The following LARP7 variants were observed in gnomAD, a reference collection of about 807,000 sequenced individuals.
LARP7 encodes the protein la-related protein 7.
In LARP7, 52 loss-of-function variants were observed where a neutral mutation model predicts 69.3. The ratio of observed to expected loss-of-function variants is 0.75; its 90% CI spans 0.60 to 0.95. The LOEUF is 0.95. Ranked by LOEUF, LARP7 falls within the 40% of genes least tolerant of loss-of-function variation. The pLI is 0.00. For synonymous variants in LARP7, 254 were observed against 215.9 expected (o/e 1.18, Z -1.55); for missense variants, 733 against 673.0 (o/e 1.09, Z -0.99).
At chr4:112,644,594 G>A in intron 1 of LARP7, 74 bp from the exon 2 acceptor site, 2 of 1,206,890 alleles carry the variant, frequency 1.7e-6, no homozygotes, top group South Asian at 3.2e-5. Context: ...ACAGTTAAAG[G>A]CTAATCTAAA....
chr4:112,644,319 G>A (rs1383819041), intron 1 of LARP7: 2 of 318,028 alleles, frequency 6.3e-6, no homozygotes, highest in Non-Finnish European at 1.1e-5. Context: ...AGAGGAGGGG[G>A]TGTTGCGATG....
In LARP7 at chr4:112,654,051, C is replaced by G. The variant is rs1560952116; in HGVS notation, c.1577-17C>G. On this transcript the variant is annotated splice_polypyrimidine_tract_variant and intron_variant, in intron 11 of 12. Transcript: ENST00000344442. The stretch of plus-strand genomic sequence containing the variant: ...TGTTCTTCTTTTCATCCATCAGAGT[C>G]TTTGTTTGTTTTTAAGGTGATCACG... 6.3e-7 allele frequency: 1 copy of G among 1,586,700 alleles called. No homozygotes were observed.
chr4:112,657,355 T>C lies in LARP7; in HGVS notation c.*28T>C. ...AAAAAAACAGTTCACCTCTTAATAC[T>C]TCACAAGATACTTGAGCTGTTCTTG... On this transcript the variant is annotated 3_prime_UTR_variant, in exon 13 of 13. Coordinates refer to ENST00000344442, the MANE Select transcript of LARP7 (RefSeq NM_016648.4). 1 of 1,212,794 alleles carries C rather than the reference T, an allele frequency of 8.2e-7. No individual in the cohort carries two copies. Among genetic ancestry groups the C allele is most frequent in the Non-Finnish European group, 1.2e-6 (1 of 855,512 alleles). 75.1% of individuals were successfully genotyped at this position (1,212,794 alleles called of 1,614,324 possible).
chr4:112,648,019 GA>G (rs2048419647), intron 8 of LARP7, 185 bp downstream of exon 8: 1 of 687,356 alleles, frequency 1.5e-6, no homozygotes, highest in African/African-American at 1.7e-5. Context: ...CTCAAACATG[GA>G]AGCACTTATT....
rs80256256 is a variant in LARP7, at chr4:112,651,866, A to G, written c.1417-1211A>G. ...TTGAATATGCTCAAAAGTCAGTTAT[A>G]AAACTCATTACTACTACTGAATGCA... On this transcript the variant is annotated intron_variant, in intron 10 of 12. Transcript: ENST00000344442. Among the ~76,000 whole-genome samples the G allele has an allele frequency of 1.3e-3, 202 of 152,320 alleles. 4 individuals are homozygous for G. In the East Asian group the frequency reaches 0.032, roughly 24 times the overall value.
rs1217307240 is a variant in LARP7 at position 112,649,655 on chromosome 4, A to G, written c.1263A>G (p.Val421=). ...CAGAAATGGAAACAGACAGTGGAGTACCTCAAAACACTGGAATGAAAAATG... is the reference window on the plus strand; with the variant it reads ...CAGAAATGGAAACAGACAGTGGAGTGCCTCAAAACACTGGAATGAAAAATG... ...SESEMETDSG[V]PQNTGMKNEK... is the part of the protein sequence containing the mutation. Residue 421 remains valine (V), a synonymous_variant, in exon 9 of 13, where the codon GTA becomes GTG. Transcript: ENST00000344442. The G allele has an allele frequency of 1.2e-6, 2 of 1,600,604 alleles. No homozygotes were observed. The highest frequency in any genetic ancestry group is 2.7e-5 in the African/African-American group (2 of 74,138).
chr4:112,646,011 TTTGTTTGA>T (rs1342060249), intron 2 of LARP7, among the ~76,000 whole-genome samples: 1 of 149,810 alleles, frequency 6.7e-6, no homozygotes, highest in African/African-American at 2.5e-5. Flanking sequence ...TTTTGTTTGT[TTTGTTTGA>T]GTCTCTTTCT....
At chr4:112,646,982 AAG>A (rs758502006) in intron 5 of LARP7, 27 bp downstream of exon 5, 6 of 1,522,734 alleles carry the variant, frequency 3.9e-6, no homozygotes, top group African/African-American at 2.8e-5. Flanking sequence ...AAAAAAAAAA[AAG>A]AAAGAAAAGA....
chr4:112,642,918 A>G (rs777699361), intron 1 of LARP7, among the ~76,000 whole-genome samples: 1 of 152,226 alleles, frequency 6.6e-6, no homozygotes, highest in Non-Finnish European at 1.5e-5. Context: ...CACCCCCATT[A>G]GTCTCTCCAG....
chr4:112,648,984 T>G (rs1201869706), intron 8 of LARP7, among the ~76,000 whole-genome samples: 1 of 151,544 alleles, frequency 6.6e-6, no homozygotes, highest in Admixed American at 6.6e-5. Context: ...TGGCATAGAT[T>G]AGGGTAACAA....
intron 2 of LARP7, among the ~76,000 whole-genome samples, chr4:112,646,033 A>G (rs1022591963): frequency 1.4e-4 from 22 of 151,762 alleles, no homozygotes; most frequent in African/African-American, 5.3e-4. Flanking sequence ...TCTTTCTCCC[A>G]GGCTGGAGTG....
In LARP7 at chr4:112,646,637, G is replaced by A; in HGVS notation, c.353G>A (p.Arg118Lys). ...RIRRKKPLGE[R>K]PKDEDERTVY... The stretch of plus-strand genomic sequence containing the variant: ...CGGAGGAAAAAACCTCTGGGGGAAA[G>A]ACCAAAGGATGAGGATGAACGCACA... The change falls in exon 4 of 13, where the codon AGA becomes AAA. Residue 118 changes from arginine (R) to lysine (K), a missense_variant. By Grantham distance (26) the Arg-to-Lys change is conservative (BLOSUM62 2). Coordinates refer to ENST00000344442, the MANE Select transcript of LARP7 (RefSeq NM_016648.4). 1.2e-6 allele frequency: 2 copies of A among 1,605,870 alleles called. No homozygotes were observed. The highest frequency in any genetic ancestry group is 8.5e-7 in the Non-Finnish European group (1 of 1,175,646).
At chr4:112,645,281 TGTAA>T (rs1305040872) in intron 2 of LARP7, among the ~76,000 whole-genome samples, 5 of 152,174 alleles carry the variant, frequency 3.3e-5, no homozygotes, top group African/African-American at 9.7e-5. Flanking sequence ...TATTCGTTTC[TGTAA>T]GTGTGTTCCG....
At chr4:112,653,962 A>C in intron 11 of LARP7, 106 bp from the exon 12 acceptor site, 1 of 793,930 alleles carries the variant, frequency 1.3e-6, no homozygotes, top group East Asian at 2.5e-5. Flanking sequence ...CATTAAATAT[A>C]ATCAAAAACT....
chr4:112,647,266 A>G lies in LARP7; in HGVS notation c.714A>G (p.Glu238=), dbSNP rs763168197. ...AGGAAGACAATATCCAAGCCAAAGA[A>G]GAAAACATGGACACAAGCAACACCA... ...MKKEDNIQAK[E]ENMDTSNTSI... Residue 238 remains glutamate, a synonymous_variant, in exon 7 of 13, where the codon GAA becomes GAG. Coordinates refer to ENST00000344442, the MANE Select transcript of LARP7 (RefSeq NM_016648.4). The G allele has an allele frequency of 3.1e-6, 5 of 1,612,512 alleles. No homozygotes were observed. In the African/African-American group the frequency reaches 6.7e-5, roughly 22 times the overall value.
intron 1 of LARP7, among the ~76,000 whole-genome samples, chr4:112,641,769 A>G (rs1254075139): frequency 2.0e-5 from 3 of 152,208 alleles, no homozygotes. Context: ...GATTGTTAGC[A>G]CTAGAGAGTC....
intron 2 of LARP7, 35 bp downstream of exon 2, chr4:112,644,906 A>T: frequency 1.0e-6 from 1 of 975,788 alleles, no homozygotes; most frequent in Non-Finnish European, 1.5e-6. Context: ...CAATTTTTAG[A>T]TATGGTTGCC....
chr4:112,654,757 A>G (rs1353567886), intron 12 of LARP7: 1 of 152,280 alleles, frequency 6.6e-6, no homozygotes, highest in Admixed American at 6.5e-5. Flanking sequence ...GCAACATAGC[A>G]AGACCCTGTC....
intron 10 of LARP7, among the ~76,000 whole-genome samples, chr4:112,651,391 A>C (rs2048728873): frequency 6.6e-6 from 1 of 152,058 alleles, no homozygotes; most frequent in Non-Finnish European, 1.5e-5. Context: ...ACAAATTTTG[A>C]TCCTCTTTGC....
Sources: gnomAD v4.1 joint callset for allele counts (sites outside exome capture counted in the v4.1 genomes callset) on GRCh38, gnomAD v4.1.1 for gene constraint, MANE v1.5 for transcripts, NCBI Gene and HGNC (gene_info 2026-07-23, HGNC 2026-07-21) for gene names.